The following DEF8 variants were observed in gnomAD, a reference collection of about 807,000 sequenced individuals.
DEF8 encodes the protein differentially expressed in FDCP 8 homolog.
Under a neutral mutation model 59.1 loss-of-function variants are expected in DEF8, and 38 were observed. The ratio of observed to expected loss-of-function variants is 0.64; its 90% CI spans 0.50 to 0.84. The LOEUF is 0.84. Ranked by LOEUF, DEF8 falls within the 40% of genes least tolerant of loss-of-function variation. The pLI, the probability that DEF8 is intolerant of heterozygous loss-of-function variation, is 0.00. For synonymous variants in DEF8, 265 were observed against 250.1 expected, an observed-to-expected ratio of 1.06 and a Z score of -0.56; for missense variants, 557 against 615.2, an observed-to-expected ratio of 0.91 and a Z score of 1.00.
chr16:89,964,626 T>C (rs532830952), intron 12 of DEF8, 51 bp downstream of exon 12: 2 of 1,419,320 alleles, frequency 1.4e-6, no homozygotes, highest in African/African-American at 2.8e-5. Context: ...TGCGCTGTCC[T>C]CTGGGGAGCT....
At chr16:89,961,632 T>C in intron 7 of DEF8, 105 bp from the exon 8 acceptor site, 1 of 1,429,922 alleles carries the variant, frequency 7.0e-7, no homozygotes, top group East Asian at 2.3e-5. Context: ...CATGTTCCCA[T>C]GTCTCCCCGA....
At chr16:89,959,745 C>T (rs968283961) in intron 6 of DEF8, among the ~76,000 whole-genome samples, 1 of 152,258 alleles carries the variant, frequency 6.6e-6, no homozygotes, top group African/African-American at 2.4e-5. Flanking sequence ...GTTCCGTCCA[C>T]CTCGGCCTCC....
chr16:89,950,624 A>G (rs1391154595), intron 2 of DEF8, among the ~76,000 whole-genome samples: 1 of 152,066 alleles, frequency 6.6e-6, no homozygotes, highest in African/African-American at 2.4e-5. Context: ...CTTGACCTCA[A>G]ATGATCCACC....
At chr16:89,949,610 C>G (rs745640477) in intron 2 of DEF8, 97 bp downstream of exon 2, 1 of 1,612,766 alleles carries the variant, frequency 6.2e-7, no homozygotes, top group East Asian at 2.2e-5. Flanking sequence ...TCCTGGTGGT[C>G]ACGCCGCGGG....
chr16:89,958,840 T>C (rs2033635314), intron 5 of DEF8, among the ~76,000 whole-genome samples, 174 bp from the exon 6 acceptor site: 1 of 152,220 alleles, frequency 6.6e-6, no homozygotes, highest in Non-Finnish European at 1.5e-5. Flanking sequence ...GCGGTCCTTG[T>C]CCAGCTGATC....
intron 9 of DEF8, among the ~76,000 whole-genome samples, chr16:89,962,979 T>C (rs1008791297): frequency 6.6e-6 from 1 of 152,182 alleles, no homozygotes; most frequent in Non-Finnish European, 1.5e-5. Flanking sequence ...TCACGCCAGG[T>C]AGTGAAAGGA....
chr16:89,963,884 A>T (rs1597529571), intron 10 of DEF8: 1 of 518,040 alleles, frequency 1.9e-6, no homozygotes. Context: ...TAGAGAAGGA[A>T]GGGTGGGGAA....
chr16:89,949,623 G>T, intron 2 of DEF8, 110 bp downstream of exon 2: 1 of 1,612,164 alleles, frequency 6.2e-7, no homozygotes, highest in Non-Finnish European at 8.5e-7. Context: ...GCCGCGGGCA[G>T]GACGCGGGAG....
At position 89,954,392 on chromosome 16, in the gene DEF8, A is replaced by C. The variant is rs111868107; in HGVS notation, c.124+16A>C. 1,154 of 1,611,980 alleles carry C rather than the reference A, an allele frequency of 7.2e-4. 9 individuals are homozygous for C. The African/African-American group carries it at 0.013, about 19-fold the overall frequency. On this transcript the variant is annotated intron_variant, in intron 3 of 12. Coordinates refer to ENST00000563594, the MANE Select transcript of DEF8 (RefSeq NM_001242818.2). This position sits in a 1 kb window ranked among gnomAD's most constrained non-coding sequence, Gnocchi z 4.3. ...ACTCCTGAAGGTGGGTGCTGGTGGG[A>C]GTCAGGGTGGGAGCTGGGCAGGTCT...
rs1449768951 is a variant in DEF8 at position 89,949,476 on chromosome 16, T to G, written c.-48T>G. On this transcript the variant is annotated 5_prime_UTR_variant, in exon 2 of 13. Coordinates refer to ENST00000563594, the MANE Select transcript of DEF8 (RefSeq NM_001242818.2). The stretch of plus-strand genomic sequence containing the variant: ...AGCAGCCCTAGAGGAATGGCCATCC[T>G]GTCCCTGCGAGCCCCTGGGCCCTGG... The G allele has an allele frequency of 1.2e-5, 19 of 1,612,464 alleles. No individual in the cohort carries two copies. Among genetic ancestry groups the G allele is most frequent in the Non-Finnish European group, 1.4e-5 (16 of 1,179,844 alleles).
chr16:89,961,986 A>T (rs777697163), intron 8 of DEF8, 26 bp from the exon 9 acceptor site: 11 of 1,612,294 alleles, frequency 6.8e-6, no homozygotes, highest in Non-Finnish European at 8.5e-6. Context: ...TGGGTGTGAG[A>T]GGTGTCACCC....
chr16:89,961,205 C>T (rs1202439704), intron 7 of DEF8, 110 bp downstream of exon 7: 13 of 1,392,452 alleles, frequency 9.3e-6, no homozygotes, highest in Non-Finnish European at 1.2e-5. Context: ...GGCCCTGGGG[C>T]AGTGCCTGCT....
In DEF8 at chr16:89,964,224, C is replaced by T. The variant is rs753200189; in HGVS notation, c.1057C>T (p.Leu353Phe). Residue 353 changes from leucine (L) to phenylalanine (F), a missense_variant, in exon 11 of 13, where the codon CTC becomes TTC. Leu to Phe is a conservative substitution (Grantham distance 22). Transcript: ENST00000563594. ...CGACGAGATGTACTCTGTCCAGGACCTCCTGGACGTGCATGCCGGCCGCCT... is the reference window on the plus strand; with the variant it reads ...CGACGAGATGTACTCTGTCCAGGACTTCCTGGACGTGCATGCCGGCCGCCT... ...ENDEMYSVQD[L>F]LDVHAGRLGC... 3.7e-6 allele frequency: 6 copies of T among 1,613,608 alleles called. No homozygotes were observed. The highest frequency in any genetic ancestry group is 4.2e-6 in the Non-Finnish European group (5 of 1,179,706).
At chr16:89,955,395 CAT>C in intron 4 of DEF8, 129 bp downstream of exon 4, 1 of 735,396 alleles carries the variant, frequency 1.4e-6, no homozygotes, top group Non-Finnish European at 2.3e-6. Flanking sequence ...AGTCTCACTC[CAT>C]TGTCAGGCTC....
At chr16:89,950,009 C>T in intron 2 of DEF8, 1 of 1,044,152 alleles carries the variant, frequency 9.6e-7, no homozygotes, top group South Asian at 3.8e-5. Context: ...GTGCGCCAGG[C>T]CTGGGGCTGG....
intron 4 of DEF8, among the ~76,000 whole-genome samples, chr16:89,955,743 T>TGAA (rs1006910762): frequency 1.3e-5 from 2 of 152,244 alleles, no homozygotes; most frequent in Non-Finnish European, 2.9e-5. Context: ...AGCCTTGTGT[T>TGAA]GAAGAAGAAA....
intron 5 of DEF8, among the ~76,000 whole-genome samples, chr16:89,958,795 G>T (rs938637472): frequency 6.6e-6 from 1 of 152,208 alleles, no homozygotes; most frequent in Non-Finnish European, 1.5e-5. Flanking sequence ...GGGAAAGGTC[G>T]CAAGGGATGC....
Position 89,957,638 on chromosome 16 carries a change from G to A in DEF8, c.350G>A (p.Arg117Gln), listed in dbSNP as rs1049699868. Residue 117 changes from arginine (R) to glutamine (Q), a missense_variant, in exon 5 of 13, where the codon CGG (arginine) becomes CAG (glutamine). Arg to Gln is a conservative substitution (Grantham distance 43). Coordinates refer to ENST00000563594, the MANE Select transcript of DEF8 (RefSeq NM_001242818.2). ...KDAVVRLIHL[R>Q]LKLQELKDPN... The stretch of plus-strand genomic sequence containing the variant: ...GCCGTGGTGCGACTCATCCACCTCC[G>A]GCTGAAGCTCCAGGAGCTGAAGGTG... The A allele has an allele frequency of 1.9e-6, 3 of 1,567,978 alleles. No individual in the cohort carries two copies. The highest frequency in any genetic ancestry group is 2.4e-5 in the East Asian group (1 of 42,252).
intron 7 of DEF8, among the ~76,000 whole-genome samples, chr16:89,961,448 C>T (rs112322853): frequency 3.9e-5 from 6 of 152,186 alleles, no homozygotes; most frequent in African/African-American, 1.2e-4. Context: ...ACGGTTGTCG[C>T]CCAGTTGTGC....
Sources: allele counts gnomAD v4.1 joint callset (sites outside exome capture counted in the v4.1 genomes callset), GRCh38; gene constraint gnomAD v4.1.1; non-coding constraint Gnocchi (gnomAD v3.1); transcripts MANE v1.5; gene names NCBI Gene and HGNC (gene_info 2026-07-23, HGNC 2026-07-21).